GAS7: variants seen among roughly 807,000 people sequenced by gnomAD.
The protein encoded by GAS7 is growth arrest-specific protein 7.
A neutral mutation model predicts 71.1 loss-of-function variants in GAS7; 28 were observed. The ratio of observed to expected loss-of-function variants is 0.39; its 90% CI spans 0.29 to 0.54. GAS7 has a LOEUF of 0.54. GAS7 is among the 20% of genes least tolerant of loss of function. GAS7 has a pLI of 0.62. For synonymous variants in GAS7, 258 were observed against 245.8 expected, an observed-to-expected ratio of 1.05 and a Z score of -0.46; for missense variants, 436 against 627.8, an observed-to-expected ratio of 0.69 and a Z score of 3.27.
intron 7 of GAS7, among the ~76,000 whole-genome samples, chr17:9,942,055 C>A (rs1425738185): frequency 6.6e-6 from 1 of 152,082 alleles, no homozygotes; most frequent in East Asian, 1.9e-4. Context: ...GAGTTCGAGA[C>A]CAGCCTGGCC....
intron 5 of GAS7, among the ~76,000 whole-genome samples, chr17:9,948,488 G>A (rs1488348846): frequency 6.6e-6 from 1 of 152,208 alleles, no homozygotes; most frequent in Non-Finnish European, 1.5e-5. Flanking sequence ...TTCGAGACCA[G>A]CCTGACCAAT....
chr17:9,965,997 C>CTTT (rs1156705866), intron 4 of GAS7, among the ~76,000 whole-genome samples: 2,245 of 122,888 alleles, frequency 0.018, 83 homozygotes, highest in East Asian at 0.07. Context: ...CCCCAAAATT[C>CTTT]TTTTTTTTTT....
chr17:10,014,714 A>G (rs896087948), intron 2 of GAS7, among the ~76,000 whole-genome samples: 1 of 152,034 alleles, frequency 6.6e-6, no homozygotes, highest in African/African-American at 2.4e-5. Flanking sequence ...TAACACTTAT[A>G]GGTTTATATG....
chr17:10,033,619 C>A lies in GAS7; in HGVS notation c.184-13722G>T, dbSNP rs561806088. ...GCACAAGCGACACAGCTGCTGCCCG[C>A]AGATGCACCGGGGGGCAAAAGCTGG... On this transcript the variant is annotated intron_variant, in intron 1 of 13. Coordinates refer to ENST00000432992, the MANE Select transcript of GAS7 (RefSeq NM_201433.2). 5.3e-5 allele frequency among the ~76,000 whole-genome samples: 8 copies of A among 152,312 alleles called. No homozygotes were observed. In the East Asian group the frequency reaches 1.4e-3, roughly 26 times the overall value.
At chr17:10,186,464 G>C (rs953330333) in intron 1 of GAS7, among the ~76,000 whole-genome samples, 3 of 144,874 alleles carry the variant, frequency 2.1e-5, no homozygotes, top group African/African-American at 7.7e-5. Flanking sequence ...GCAGTGGTGC[G>C]ATCTCGGTGG....
At chr17:10,191,648 G>C (rs917304075) in intron 1 of GAS7, among the ~76,000 whole-genome samples, 1 of 151,156 alleles carries the variant, frequency 6.6e-6, no homozygotes, top group South Asian at 2.1e-4. Flanking sequence ...AGGCTGAGGC[G>C]GGTGAATCAC....
Position 9,912,475 on chromosome 17 carries a change from G to A in GAS7, c.*4753C>T, listed in dbSNP as rs1281644140. ...CTTCTTGTCCATGCTGCTTCTGCTC[G>A]CCTTTCAAAGCCTCCAACGCCCAAT... On this transcript the variant is annotated 3_prime_UTR_variant, in exon 14 of 14. Coordinates refer to ENST00000432992, the MANE Select transcript of GAS7 (RefSeq NM_201433.2). 4 of 232,772 alleles carry A rather than the reference G, an allele frequency of 1.7e-5. No homozygotes were observed. The highest frequency in any genetic ancestry group is 4.4e-5 in the African/African-American group (2 of 45,314). 14.4% of individuals were successfully genotyped at this position (232,772 alleles called of 1,614,324 possible). A position where few individuals can be genotyped will look rare whatever the true frequency, so the allele number is the denominator to read the frequency against.
rs771501281 is a variant in GAS7, at chr17:9,956,986, A to C, written c.525+2216T>G. On this transcript the variant is annotated intron_variant, in intron 5 of 13. Transcript: ENST00000432992. ...AGGGAAAAGGCACCAAGGCCTGGAG[A>C]CCTGTGGGCCAAGGCCAGGTGGTAC... Among the ~76,000 whole-genome samples the C allele has an allele frequency of 4.7e-4, 72 of 152,300 alleles. 2 individuals are homozygous for C. Among genetic ancestry groups the C allele is most frequent in the Non-Finnish European group, 9.0e-4 (61 of 68,034 alleles).
intron 1 of GAS7, among the ~76,000 whole-genome samples, chr17:10,182,700 C>G (rs2074425481): frequency 6.6e-6 from 1 of 152,126 alleles, no homozygotes; most frequent in Non-Finnish European, 1.5e-5. Context: ...CTAGGGGCTG[C>G]AGGAGACACC....
chr17:10,033,967 C>T (rs1044476534), intron 1 of GAS7: 1 of 197,300 alleles, frequency 5.1e-6, no homozygotes, highest in African/African-American at 2.4e-5. Context: ...CTAATAAGGG[C>T]TGGAACCGTT....
At chr17:10,074,393 A>G (rs2073370672) in intron 1 of GAS7, among the ~76,000 whole-genome samples, 2 of 152,180 alleles carry the variant, frequency 1.3e-5, no homozygotes, top group Non-Finnish European at 2.9e-5. Flanking sequence ...AAAGCTAATC[A>G]ATAGCTCTTT....
chr17:10,074,697 TAA>T (rs2073373376), intron 1 of GAS7, among the ~76,000 whole-genome samples: 1 of 152,234 alleles, frequency 6.6e-6, no homozygotes, highest in African/African-American at 2.4e-5. Flanking sequence ...GTTTTACTGA[TAA>T]GTTTTCTCAA....
intron 1 of GAS7, among the ~76,000 whole-genome samples, chr17:10,078,053 T>TTTTG (rs2073414431): frequency 6.8e-6 from 1 of 146,318 alleles, no homozygotes; most frequent in Admixed American, 6.9e-5. Context: ...GTTTTTTCTG[T>TTTTG]TGTGTGTGTG....
intron 1 of GAS7, among the ~76,000 whole-genome samples, chr17:10,182,212 T>G (rs2074421951): frequency 6.6e-6 from 1 of 152,096 alleles, no homozygotes. Context: ...CAGGCTGGAG[T>G]GCAATGGCAC....
chr17:10,193,995 C>T (rs1435634814), intron 1 of GAS7, among the ~76,000 whole-genome samples: 1 of 152,198 alleles, frequency 6.6e-6, no homozygotes, highest in African/African-American at 2.4e-5. Context: ...CTCCCACAGA[C>T]ACTCCTTATC....
intron 1 of GAS7, among the ~76,000 whole-genome samples, chr17:10,167,985 C>G (rs2074308338): frequency 6.6e-6 from 1 of 152,164 alleles, no homozygotes; most frequent in Non-Finnish European, 1.5e-5. Context: ...AGGTGTGAGC[C>G]TCTGCACCTG....
intron 1 of GAS7, among the ~76,000 whole-genome samples, chr17:10,137,076 T>C (rs1018955486): frequency 7.2e-5 from 11 of 152,036 alleles, no homozygotes; most frequent in Non-Finnish European, 1.5e-4. Context: ...ATCACGCCAC[T>C]GCACTACAGC....
chr17:10,037,865 A>G (rs2072785347), intron 1 of GAS7, among the ~76,000 whole-genome samples: 2 of 152,120 alleles, frequency 1.3e-5, no homozygotes, highest in Non-Finnish European at 1.5e-5. Context: ...CCCGGGTCCA[A>G]AAAGAGTCCA....
intron 1 of GAS7, among the ~76,000 whole-genome samples, chr17:10,140,397 G>A (rs1458614941): frequency 6.6e-6 from 1 of 152,076 alleles, no homozygotes; most frequent in Non-Finnish European, 1.5e-5. Context: ...GGGGGTTGAG[G>A]CTGCAGTGAG....
Sources: gnomAD v4.1 joint callset for allele counts (sites outside exome capture counted in the v4.1 genomes callset) on GRCh38, gnomAD v4.1.1 for gene constraint, MANE v1.5 for transcripts, NCBI Gene and HGNC (gene_info 2026-07-23, HGNC 2026-07-21) for gene names.